Variants in NBPF26 observed in about 807,000 individuals in gnomAD.
NBPF26 encodes the protein NBPF family member NBPF26.
A neutral mutation model predicts 119.6 loss-of-function variants in NBPF26; 79 were observed. That is an observed-to-expected ratio of 0.66 (90% CI 0.55 to 0.80). The LOEUF is 0.80. NBPF26 is among the 30% of genes least tolerant of loss of function. The pLI is 0.00. For missense variants in NBPF26, 800 were observed against 1,198.2 expected (o/e 0.67, Z 4.91); for synonymous variants, 299 against 457.7 (o/e 0.65, Z 4.43).
chr1:120,810,083 C>G (rs1381900503), intron 8 of NBPF26, among the ~76,000 whole-genome samples, 200 bp downstream of exon 8: 4 of 129,022 alleles, frequency 3.1e-5, no homozygotes, highest in South Asian at 4.5e-4. Context: ...CTGTACCATA[C>G]AGGGATAGCT....
chr1:120,727,780 G>C (rs1387972329), intron 1 of NBPF26, among the ~76,000 whole-genome samples: 19 of 117,164 alleles, frequency 1.6e-4, no homozygotes, highest in African/African-American at 7.5e-4. Context: ...TTCCTTCCAC[G>C]CTTTCCTGAT....
At chr1:120,832,632 T>C (rs1312696140) in intron 22 of NBPF26, among the ~76,000 whole-genome samples, 1 of 121,336 alleles carries the variant, frequency 8.2e-6, no homozygotes, top group East Asian at 2.1e-4. Context: ...TTGCACAAAC[T>C]TGGGACAAAT....
intron 17 of NBPF26, among the ~76,000 whole-genome samples, 195 bp from the exon 18 acceptor site, chr1:120,823,778 GT>G: frequency 8.8e-6 from 1 of 113,478 alleles, no homozygotes; most frequent in East Asian, 2.1e-4. Flanking sequence ...GTGTGTGTGT[GT>G]GTGTGTGTGT....
Position 120,805,765 on chromosome 1 carries a change from A to G in NBPF26, c.961A>G (p.Lys321Glu), listed in dbSNP as rs1553269811. The G allele has an allele frequency of 2.4e-5, 33 of 1,391,744 alleles. 4 individuals are homozygous for G. Among genetic ancestry groups the G allele is most frequent in the Non-Finnish European group, 3.1e-5 (32 of 1,026,442 alleles). 86.2% of individuals were successfully genotyped at this position (1,391,744 alleles called of 1,614,324 possible). A position where few individuals can be genotyped will look rare whatever the true frequency, so the allele number is the denominator to read the frequency against. Reference sequence around the variant, plus strand: ...CCTGGCCAACCGACAGAAGAAATACAGTAAGATCTATAGGCTCACCATCAT... The same window carrying G: ...CCTGGCCAACCGACAGAAGAAATACGGTAAGATCTATAGGCTCACCATCAT... Residue 321 changes from lysine (K) to glutamate (E), a missense_variant and splice_region_variant, in exon 5 of 30, where the codon AAG (lysine) becomes GAG (glutamate). By Grantham distance (56) the Lys-to-Glu change is moderately conservative. Transcript: ENST00000620612.
At chr1:120,763,743 G>C in intron 2 of NBPF26, 34 bp downstream of exon 2, 1 of 862,404 alleles carries the variant, frequency 1.2e-6, no homozygotes. Flanking sequence ...TTCTTTTTGC[G>C]ATAGAACACT....
intron 1 of NBPF26, among the ~76,000 whole-genome samples, chr1:120,762,460 C>T (rs2101406470): frequency 9.5e-6 from 1 of 105,148 alleles, no homozygotes; most frequent in Admixed American, 9.3e-5. Flanking sequence ...GATGGCCAGG[C>T]CTAGCGTCTC....
intron 4 of NBPF26, among the ~76,000 whole-genome samples, chr1:120,802,498 GC>G (rs1392611302): frequency 8.0e-6 from 1 of 125,432 alleles, no homozygotes; most frequent in Admixed American, 7.6e-5. Context: ...AGAGACATGA[GC>G]CCTTCGGGAC....
At chr1:120,793,791 G>A in intron 4 of NBPF26, 2 of 1,023,454 alleles carry the variant, frequency 2.0e-6, no homozygotes, top group South Asian at 1.3e-5. Context: ...AAAGAGACAG[G>A]CAAGTCTGGA....
chr1:120,728,627 T>A (rs1650841475), intron 1 of NBPF26, among the ~76,000 whole-genome samples: 1 of 117,694 alleles, frequency 8.5e-6, no homozygotes, highest in Non-Finnish European at 1.6e-5. Flanking sequence ...TTGTCCAGAA[T>A]AGCCACACCT....
chr1:120,823,015 A>C (rs1277729945), intron 16 of NBPF26, among the ~76,000 whole-genome samples: 1 of 124,498 alleles, frequency 8.0e-6, no homozygotes, highest in East Asian at 2.0e-4. Flanking sequence ...TGTTAGAACT[A>C]TTTGCCTACA....
chr1:120,816,809 G>A lies in NBPF26; in HGVS notation c.2353G>A (p.Ala785Thr), dbSNP rs1652017312. 7 of 1,444,476 alleles carry A rather than the reference G, an allele frequency of 4.8e-6. 2 individuals are homozygous for A. Among genetic ancestry groups the A allele is most frequent in the African/African-American group, 5.2e-5 (2 of 38,456 alleles). The allele number at this position is 1,444,476 out of a possible 1,614,324, so 89.5% of individuals were successfully genotyped here. ...ATCCTCTCATGTTGAATGGGAGGAT[G>A]CTGTACACATTATTCCAGGTAGCCT... is the stretch of plus-strand genomic sequence containing the variant. The change falls in exon 14 of 30, where the codon GCT (alanine) becomes ACT (threonine). Residue 785 changes from alanine (A) to threonine (T), a missense_variant. Physicochemically the swap from Ala to Thr is moderately conservative, Grantham distance 58. Coordinates refer to ENST00000620612, the Ensembl canonical transcript of NBPF26.
At chr1:120,770,550 A>T (rs1651251379) in intron 2 of NBPF26, among the ~76,000 whole-genome samples, 1 of 118,260 alleles carries the variant, frequency 8.5e-6, no homozygotes, top group Non-Finnish European at 1.6e-5. Flanking sequence ...GGCAAGTTAA[A>T]GTCTATAATG....
rs1325776846 is a variant in NBPF26 at position 120,727,142 on chromosome 1, A to AT, written c.73+2892_73+2893insT. Reference sequence around the variant, plus strand: ...ACCTCTCCCATTATGGTAGAAAAAAACTCTGTGTCCTGGCTACATCAAAAT... The same window carrying AT: ...ACCTCTCCCATTATGGTAGAAAAAAATCTCTGTGTCCTGGCTACATCAAAAT... On this transcript the variant is annotated intron_variant, in intron 1 of 29. Transcript: ENST00000620612. 1.0e-4 allele frequency among the ~76,000 whole-genome samples: 11 copies of AT among 106,442 alleles called. 1 individual carries two copies. Among genetic ancestry groups the AT allele is most frequent in the Admixed American group, 1.0e-3 (11 of 10,854 alleles). The allele number at this position is 106,442 out of a possible 152,430, so 69.8% of individuals were successfully genotyped here.
At chr1:120,792,755 CTCCCAAAG>C (rs1169430877) in intron 3 of NBPF26, among the ~76,000 whole-genome samples, 3 of 103,052 alleles carry the variant, frequency 2.9e-5, no homozygotes, top group African/African-American at 6.3e-5. Context: ...CTGCCTCGGC[CTCCCAAAG>C]TGCTGGAATT....
At position 120,728,378 on chromosome 1, in the gene NBPF26, A is replaced by C. The variant is rs1226647224; in HGVS notation, c.73+4128A>C. On this transcript the variant is annotated intron_variant, in intron 1 of 29. Transcript: ENST00000620612. ...TTTGCAGGAGTCATGCTTACCTTACATTTGGGGAAAAACCAAATTTTTCCC... is the reference window on the plus strand; with the variant it reads ...TTTGCAGGAGTCATGCTTACCTTACCTTTGGGGAAAAACCAAATTTTTCCC... Among the ~76,000 whole-genome samples, 8 of 106,362 alleles carry C rather than the reference A, an allele frequency of 7.5e-5. 3 individuals carry two copies. Among genetic ancestry groups the C allele is most frequent in the African/African-American group, 3.6e-4 (6 of 16,580 alleles). The allele number at this position is 106,362 out of a possible 152,430, so 69.8% of individuals were successfully genotyped here.
At position 120,819,305 on chromosome 1, in the gene NBPF26, G is replaced by C. The variant is rs1428579165; in HGVS notation, c.2423+1131G>C. Reference sequence around the variant, plus strand: ...ATCAGAGACTAGGATTGCAACCCCTGCCTTTTTTTTGTTTTCCATTTGCTT... The same window carrying C: ...ATCAGAGACTAGGATTGCAACCCCTCCCTTTTTTTTGTTTTCCATTTGCTT... On this transcript the variant is annotated intron_variant, in intron 15 of 29. Coordinates refer to ENST00000620612, the Ensembl canonical transcript of NBPF26. Among the ~76,000 whole-genome samples the C allele has an allele frequency of 2.6e-4, 30 of 115,898 alleles. 1 individual carries two copies. In the East Asian group the frequency reaches 5.5e-3, roughly 21 times the overall value. The allele number at this position is 115,898 out of a possible 152,430, so 76.0% of individuals were successfully genotyped here.
At chr1:120,769,930 CTT>C (rs1651243020) in intron 2 of NBPF26, among the ~76,000 whole-genome samples, 1 of 107,334 alleles carries the variant, frequency 9.3e-6, no homozygotes, top group Non-Finnish European at 1.9e-5. Context: ...ACAGGCCTCT[CTT>C]GTGAAATTTA....
intron 7 of NBPF26, among the ~76,000 whole-genome samples, chr1:120,809,596 T>C: frequency 6.6e-6 from 1 of 151,696 alleles, no homozygotes; most frequent in Non-Finnish European, 1.5e-5. Flanking sequence ...CTTTTCAGTA[T>C]TTGGCCACAT....
rs1287996468 is a variant in NBPF26, at chr1:120,823,734, C to T, written c.2640-240C>T. ...CTCCCTCATCAGTGTGTCACCTGAC[C>T]AATTCACTGAGCTCGCTCTGTGTGT... is the stretch of plus-strand genomic sequence containing the variant. On this transcript the variant is annotated intron_variant, in intron 17 of 29. Transcript: ENST00000620612. Among the ~76,000 whole-genome samples the T allele has an allele frequency of 1.6e-4, 16 of 102,464 alleles. 6 individuals are homozygous for T. Among genetic ancestry groups the T allele is most frequent in the African/African-American group, 8.5e-4 (16 of 18,928 alleles). The allele number at this position is 102,464 out of a possible 152,430, so 67.2% of individuals were successfully genotyped here.
Sources: gnomAD v4.1 joint callset for allele counts (sites outside exome capture counted in the v4.1 genomes callset) on GRCh38, gnomAD v4.1.1 for gene constraint, MANE v1.5 for transcripts, NCBI Gene and HGNC (gene_info 2026-07-23, HGNC 2026-07-21) for gene names.